Variants in SEM1 observed in about 807,000 individuals in gnomAD.
SEM1 encodes the protein 26S proteasome complex subunit SEM1.
In SEM1, 3 loss-of-function variants were observed where a neutral mutation model predicts 12.7. The observed-to-expected ratio is 0.24, with a 90% CI of 0.11 to 0.61. SEM1 has a LOEUF of 0.61. Among genes scored for constraint, SEM1 ranks in the 20% least tolerant of loss-of-function variants. The pLI is 0.88. For missense variants in SEM1, 59 were observed against 81.3 expected, an observed-to-expected ratio of 0.73 and a Z score of 1.06; for synonymous variants, 30 against 27.8, an observed-to-expected ratio of 1.08 and a Z score of -0.25.
chr7:96,612,032 C>CT (rs1390174553), intron 2 of SEM1, among the ~76,000 whole-genome samples: 5 of 152,110 alleles, frequency 3.3e-5, no homozygotes, highest in African/African-American at 1.2e-4. Flanking sequence ...TAGCATATCT[C>CT]TAATTTGCTA....
At chr7:96,674,567 T>C (rs2115609992) in intron 2 of SEM1, among the ~76,000 whole-genome samples, 1 of 152,028 alleles carries the variant, frequency 6.6e-6, no homozygotes, top group Admixed American at 6.5e-5. Flanking sequence ...CTTGGGAAGC[T>C]GATATGGGAG....
intron 1 of SEM1, among the ~76,000 whole-genome samples, chr7:96,709,238 G>A (rs1021468212): frequency 6.6e-6 from 1 of 152,192 alleles, no homozygotes; most frequent in African/African-American, 2.4e-5. Context: ...CCTACTTAAT[G>A]AGGCTTCATT....
chr7:96,590,008 A>G (rs1281361471), intron 2 of SEM1, among the ~76,000 whole-genome samples: 1 of 152,212 alleles, frequency 6.6e-6, no homozygotes, highest in Non-Finnish European at 1.5e-5. Flanking sequence ...TAGAATGCAA[A>G]AAAAGGCATG....
chr7:96,597,424 TG>T (rs1004863849), intron 2 of SEM1, among the ~76,000 whole-genome samples: 3 of 151,978 alleles, frequency 2.0e-5, no homozygotes, highest in African/African-American at 7.3e-5. Flanking sequence ...GATTATCAGG[TG>T]GTTGTGTTTT....
chr7:96,682,251 G>A (rs1397474120), intron 2 of SEM1, among the ~76,000 whole-genome samples: 1 of 152,054 alleles, frequency 6.6e-6, no homozygotes, highest in Non-Finnish European at 1.5e-5. Flanking sequence ...CTGATACTTT[G>A]CTTAAGTTGC....
At chr7:96,658,612 G>A (rs192007778) in intron 2 of SEM1, among the ~76,000 whole-genome samples, 1 of 152,286 alleles carries the variant, frequency 6.6e-6, no homozygotes, top group East Asian at 1.9e-4. Context: ...GTGTTGGAAG[G>A]TGCCCCAATA....
At chr7:96,541,431 G>GTTTTTTTTTTTT (rs55863103) in intron 2 of SEM1, among the ~76,000 whole-genome samples, 3 of 121,486 alleles carry the variant, frequency 2.5e-5, no homozygotes, top group African/African-American at 1.1e-4. Context: ...TTTTTAATGG[G>GTTTTTTTTTTTT]TTTTTTTTTT....
chr7:96,687,165 G>A (rs1789784836), downstream of SEM1, among the ~76,000 whole-genome samples: 1 of 152,130 alleles, frequency 6.6e-6, no homozygotes, highest in Non-Finnish European at 1.5e-5. Flanking sequence ...TGGAGAAACA[G>A]GAACACTTTT....
chr7:96,582,682 C>T (rs1806456003), intron 2 of SEM1, among the ~76,000 whole-genome samples: 5 of 152,266 alleles, frequency 3.3e-5, no homozygotes, highest in Admixed American at 3.3e-4. Context: ...GATTCAACTT[C>T]TTCCTGGTTT....
intron 2 of SEM1, among the ~76,000 whole-genome samples, chr7:96,691,638 A>G (rs1376840373): frequency 1.3e-5 from 2 of 152,276 alleles, no homozygotes; most frequent in East Asian, 1.9e-4. Flanking sequence ...TGTACTTTAC[A>G]GAAAAGACTA....
intron 2 of SEM1, among the ~76,000 whole-genome samples, chr7:96,524,206 C>G (rs1313432505): frequency 6.6e-6 from 1 of 152,160 alleles, no homozygotes; most frequent in East Asian, 1.9e-4. Context: ...ATTTCTACAT[C>G]CGCCATTTCA....
At chr7:96,503,134 G>T (rs1416279341) in intron 3 of SEM1, among the ~76,000 whole-genome samples, 1 of 152,134 alleles carries the variant, frequency 6.6e-6, no homozygotes, top group Non-Finnish European at 1.5e-5. Flanking sequence ...CTTTAGACAT[G>T]CAGGCTCTCC....
At chr7:96,594,012 T>C (rs1395630851) in intron 2 of SEM1, among the ~76,000 whole-genome samples, 1 of 152,118 alleles carries the variant, frequency 6.6e-6, no homozygotes, top group East Asian at 1.9e-4. Context: ...TTCAAATCAA[T>C]AGATATAGTA....
Position 96,558,366 on chromosome 7 carries a change from A to G in SEM1, c.171-51668T>C, listed in dbSNP as rs185377770. On this transcript the variant is annotated intron_variant and NMD_transcript_variant, in intron 2 of 3. Transcript: ENST00000466986. ...GTGTTACACATGTGAGAATACAAGC[A>G]TGCATGTGACGGTGCCGGATTACGA... 1.4e-3 allele frequency: 216 copies of G among 152,388 alleles called. 2 individuals carry two copies. Among genetic ancestry groups the G allele is most frequent in the Non-Finnish European group, 2.7e-3 (183 of 68,058 alleles). The allele number at this position is 152,388 out of a possible 1,614,324, so 9.4% of individuals were successfully genotyped here.
At chr7:96,547,665 A>G (rs1377216744) in intron 2 of SEM1, among the ~76,000 whole-genome samples, 1 of 152,080 alleles carries the variant, frequency 6.6e-6, no homozygotes, top group Non-Finnish European at 1.5e-5. Flanking sequence ...CTATTATGAA[A>G]GCAGCTGTCT....
chr7:96,643,128 G>A (rs944401888), intron 2 of SEM1, among the ~76,000 whole-genome samples: 20 of 151,916 alleles, frequency 1.3e-4, no homozygotes, highest in African/African-American at 4.6e-4. Flanking sequence ...ATAGGTCCCA[G>A]TGTGTGTTGT....
intron 2 of SEM1, among the ~76,000 whole-genome samples, chr7:96,604,187 C>T (rs1277748143): frequency 6.6e-6 from 1 of 152,138 alleles, no homozygotes; most frequent in African/African-American, 2.4e-5. Context: ...TTTCCATCAC[C>T]AGCAGTAGGA....
chr7:96,585,323 G>C (rs1041043906), intron 2 of SEM1, among the ~76,000 whole-genome samples: 1 of 152,180 alleles, frequency 6.6e-6, no homozygotes, highest in Non-Finnish European at 1.5e-5. Flanking sequence ...CAGTCTGCCT[G>C]TTCTCAGATC....
In SEM1 at chr7:96,680,771, T is replaced by C. The variant is rs73708383; in HGVS notation, c.171-6912A>G. 2.9e-3 allele frequency among the ~76,000 whole-genome samples: 443 copies of C among 152,250 alleles called. 4 individuals are homozygous for C. Among genetic ancestry groups the C allele is most frequent in the African/African-American group, 0.01 (417 of 41,570 alleles). ...GTTAATATAAAATGGAATTTATCCT[T>C]GTATCAACCTTTTTGACAACCCATC... is the stretch of plus-strand genomic sequence containing the variant. On this transcript the variant is annotated intron_variant, in intron 2 of 2. Coordinates refer to the SEM1 transcript ENST00000413065.
Sources: allele counts gnomAD v4.1 joint callset (sites outside exome capture counted in the v4.1 genomes callset), GRCh38; gene constraint gnomAD v4.1.1; transcripts MANE v1.5; gene names NCBI Gene and HGNC (gene_info 2026-07-23, HGNC 2026-07-21).